Variants in GREB1L observed in about 807,000 individuals in gnomAD.
The protein encoded by GREB1L is GREB1 like retinoic acid receptor coactivator.
In GREB1L, 17 loss-of-function variants were observed where a neutral mutation model predicts 200.8. The observed-to-expected ratio is 0.08, with a 90% CI of 0.06 to 0.13. GREB1L has a LOEUF of 0.13. Ranked by LOEUF, GREB1L falls within the 10% of genes least tolerant of loss-of-function variation. The probability of loss-of-function intolerance (pLI) is 1.00; values close to 1 mark genes in which losing one functional copy is unlikely to be tolerated. For synonymous variants in GREB1L, 789 were observed against 893.0 expected (o/e 0.88, Z 2.08); for missense variants, 1,657 against 2,367.7 (o/e 0.70, Z 6.23).
chr18:21,251,064 C>G (rs967780161), intron 1 of GREB1L, among the ~76,000 whole-genome samples: 5 of 152,122 alleles, frequency 3.3e-5, no homozygotes, highest in African/African-American at 1.2e-4. Context: ...GTCTGTAATC[C>G]TAGTGCTTTG....
At chr18:21,363,073 T>A (rs569831130) in intron 1 of GREB1L, among the ~76,000 whole-genome samples, 1 of 152,236 alleles carries the variant, frequency 6.6e-6, no homozygotes, top group Non-Finnish European at 1.5e-5. Flanking sequence ...TAATTTCTAA[T>A]GTGTTTTTAA....
chr18:21,516,914 G>A (rs970742027), intron 30 of GREB1L, among the ~76,000 whole-genome samples, 160 bp downstream of exon 30: 8 of 142,492 alleles, frequency 5.6e-5, no homozygotes, highest in Admixed American at 5.1e-4. Flanking sequence ...CTGTCCCCTA[G>A]GCTGGATGGA....
chr18:21,380,638 G>A (rs774747227), intron 2 of GREB1L: 7 of 152,126 alleles, frequency 4.6e-5, no homozygotes, highest in Non-Finnish European at 1.0e-4. Flanking sequence ...TGGTCACTTC[G>A]TTTCTTCAAG....
intron 1 of GREB1L, among the ~76,000 whole-genome samples, chr18:21,348,952 GAAC>G (rs755617129): frequency 4.6e-5 from 7 of 152,192 alleles, no homozygotes; most frequent in African/African-American, 9.6e-5. Flanking sequence ...CTTAAAACAA[GAAC>G]AACAACAAAA....
At chr18:21,270,127 A>C (rs1254303749) in intron 1 of GREB1L, among the ~76,000 whole-genome samples, 1 of 152,104 alleles carries the variant, frequency 6.6e-6, no homozygotes. Context: ...GGTACTTTGG[A>C]GATTGATGAA....
At chr18:21,459,026 G>A (rs1328119937) in intron 15 of GREB1L, among the ~76,000 whole-genome samples, 2 of 151,978 alleles carry the variant, frequency 1.3e-5, no homozygotes, top group East Asian at 3.9e-4. Flanking sequence ...GTTGGTGGGA[G>A]CCCTAGCAAA....
chr18:21,369,243 C>T (rs1375484759), intron 2 of GREB1L, among the ~76,000 whole-genome samples: 11 of 152,250 alleles, frequency 7.2e-5, no homozygotes, highest in South Asian at 2.1e-4. Context: ...AATGTGACAG[C>T]GTTGAAAGAT....
chr18:21,394,678 T>A (rs1218324458), intron 4 of GREB1L, among the ~76,000 whole-genome samples: 1 of 152,110 alleles, frequency 6.6e-6, no homozygotes, highest in Non-Finnish European at 1.5e-5. Flanking sequence ...TTTTCCTCTG[T>A]GAAAATAAAG....
chr18:21,295,075 A>G (rs971741029), intron 1 of GREB1L, among the ~76,000 whole-genome samples: 2 of 152,226 alleles, frequency 1.3e-5, no homozygotes, highest in African/African-American at 4.8e-5. Context: ...TCCCATTAAC[A>G]AAGAATTTCA....
intron 1 of GREB1L, among the ~76,000 whole-genome samples, chr18:21,354,120 TA>T (rs2039472481): frequency 6.6e-6 from 1 of 152,168 alleles, no homozygotes; most frequent in Non-Finnish European, 1.5e-5. Flanking sequence ...TTGTTATTCT[TA>T]AAATTGTTGA....
intron 1 of GREB1L, among the ~76,000 whole-genome samples, chr18:21,353,557 T>C (rs903591337): frequency 5.3e-5 from 8 of 152,180 alleles, no homozygotes; most frequent in Admixed American, 5.2e-4. Context: ...TTTTATATTT[T>C]CACTAGTCAA....
chr18:21,288,912 A>G (rs2038402030), intron 1 of GREB1L, among the ~76,000 whole-genome samples: 1 of 151,796 alleles, frequency 6.6e-6, no homozygotes, highest in Non-Finnish European at 1.5e-5. Context: ...TAATTTTTGT[A>G]TTTTTAGTAG....
At chr18:21,282,745 G>T (rs375250214) in intron 1 of GREB1L, among the ~76,000 whole-genome samples, 2 of 152,064 alleles carry the variant, frequency 1.3e-5, no homozygotes, top group Admixed American at 1.3e-4. Context: ...GACTATAGGC[G>T]CCTGCCACCA....
At chr18:21,498,068 C>T (rs1225184057) in intron 21 of GREB1L, among the ~76,000 whole-genome samples, 12 of 152,150 alleles carry the variant, frequency 7.9e-5, no homozygotes, top group South Asian at 2.1e-4. Flanking sequence ...GTGATCCACC[C>T]GCCTCAGCCT....
At chr18:21,392,223 T>C (rs1410730892) in intron 4 of GREB1L, among the ~76,000 whole-genome samples, 1 of 152,216 alleles carries the variant, frequency 6.6e-6, no homozygotes, top group East Asian at 1.9e-4. Flanking sequence ...GTAATCTATA[T>C]AGTATTTAGC....
chr18:21,475,713 TC>T (rs1326020176), intron 16 of GREB1L, among the ~76,000 whole-genome samples: 1 of 151,354 alleles, frequency 6.6e-6, no homozygotes, highest in Non-Finnish European at 1.5e-5. Flanking sequence ...ACACCTATAA[TC>T]CCAGCACTTT....
intron 27 of GREB1L, among the ~76,000 whole-genome samples, chr18:21,509,317 G>A (rs1188964418): frequency 6.6e-6 from 1 of 152,210 alleles, no homozygotes. Context: ...ATCTGCTTCT[G>A]TCGGTGCCTC....
chr18:21,522,053 T>A, intron 32 of GREB1L, among the ~76,000 whole-genome samples: 1 of 141,012 alleles, frequency 7.1e-6, no homozygotes, highest in African/African-American at 2.7e-5. Flanking sequence ...CAAAGAATTA[T>A]CCAAGTCCAA....
chr18:21,371,386 T>G (rs548737432), intron 2 of GREB1L, among the ~76,000 whole-genome samples: 1 of 152,216 alleles, frequency 6.6e-6, no homozygotes, highest in South Asian at 2.1e-4. Flanking sequence ...GGCTCCAGAA[T>G]CTACTGTAGT....
Sources: allele counts gnomAD v4.1 joint callset (sites outside exome capture counted in the v4.1 genomes callset), GRCh38; gene constraint gnomAD v4.1.1; transcripts MANE v1.5; gene names NCBI Gene and HGNC (gene_info 2026-07-23, HGNC 2026-07-21).